The following C19orf18 variants were observed in gnomAD, a reference collection of about 807,000 sequenced individuals.
The protein encoded by C19orf18 is chromosome 19 open reading frame 18.
C19orf18 carries 21 observed loss-of-function variants against 23.3 expected under a neutral mutation model. The observed-to-expected ratio is 0.90, with a 90% CI of 0.64 to 1.30. The LOEUF (loss-of-function observed/expected upper bound fraction) is 1.30. Among genes scored for constraint, C19orf18 ranks in the 50% most tolerant of loss-of-function variants. The pLI, the probability that C19orf18 is intolerant of heterozygous loss-of-function variation, is 0.00. For missense variants in C19orf18, 249 were observed against 259.6 expected (o/e 0.96, Z 0.28); for synonymous variants, 96 against 95.2 (o/e 1.01, Z -0.05).
At chr19:57,962,332 C>T (rs943773183) in intron 4 of C19orf18, among the ~76,000 whole-genome samples, 8 of 151,844 alleles carry the variant, frequency 5.3e-5, no homozygotes, top group South Asian at 2.1e-4. Context: ...CCACTGTGCC[C>T]GGCCATAATC....
intron 5 of C19orf18, among the ~76,000 whole-genome samples, chr19:57,961,145 G>A (rs930068411): frequency 6.6e-6 from 1 of 152,112 alleles, no homozygotes; most frequent in Non-Finnish European, 1.5e-5. Flanking sequence ...TGAGGCAGGA[G>A]AATGGCGTGA....
chr19:57,965,357 A>G (rs2072901266), intron 4 of C19orf18, among the ~76,000 whole-genome samples: 2 of 149,680 alleles, frequency 1.3e-5, no homozygotes. Flanking sequence ...CTAGTCTTGA[A>G]CTCCTGACCT....
At chr19:57,970,895 G>A (rs550294476) in intron 3 of C19orf18, among the ~76,000 whole-genome samples, 2 of 152,144 alleles carry the variant, frequency 1.3e-5, no homozygotes, top group African/African-American at 2.4e-5. Flanking sequence ...ATTTTGTCCC[G>A]TCTCTATCCT....
chr19:57,969,566 G>GGAAAAAAAAAA (rs2072930123), intron 3 of C19orf18, among the ~76,000 whole-genome samples: 2 of 46,498 alleles, frequency 4.3e-5, no homozygotes, highest in African/African-American at 1.9e-4. Flanking sequence ...AAAAAAAACA[G>GGAAAAAAAAAA]AAAAAAAAAA....
At chr19:57,960,840 C>T (rs1560096) in intron 5 of C19orf18, among the ~76,000 whole-genome samples, 1 of 152,150 alleles carries the variant, frequency 6.6e-6, no homozygotes, top group Non-Finnish European at 1.5e-5. Flanking sequence ...ATATTTGTCT[C>T]TCTTACTTCA....
chr19:57,961,436 G>T lies in C19orf18; in HGVS notation c.487C>A (p.Leu163Ile). Residue 163 changes from leucine to isoleucine, a missense_variant, in exon 5 of 6, where the codon CTA becomes ATA. Transcript: ENST00000314391. The stretch of plus-strand genomic sequence containing the variant: ...AGCTCATTTTCGTTCTCTGGAAGTA[G>T]GTGCGTGGACTCACCCTCGTCCTCT... ...GSEDEGESTH[L>I]LPENENELEK... The T allele has an allele frequency of 6.2e-7, 1 of 1,614,056 alleles. No homozygotes were observed. Among genetic ancestry groups the T allele is most frequent in the Non-Finnish European group, 8.5e-7 (1 of 1,179,994 alleles).
chr19:57,962,541 G>A (rs1374830473), intron 4 of C19orf18, among the ~76,000 whole-genome samples: 3 of 152,164 alleles, frequency 2.0e-5, no homozygotes, highest in Non-Finnish European at 4.4e-5. Context: ...TCCCAGTACT[G>A]TGTGAATTAT....
At position 57,958,531 on chromosome 19, in the gene C19orf18, C is replaced by T. The variant is rs2072844439; in HGVS notation, c.*71G>A. ...TAAGGTTCTCTGGGAGCAAGCCACG[C>T]CCACAGGCTCAGTCTCCCAGCACCC... On this transcript the variant is annotated 3_prime_UTR_variant, in exon 6 of 6. Transcript: ENST00000314391. The T allele has an allele frequency of 3.9e-6, 4 of 1,021,286 alleles. No homozygotes were observed. Among genetic ancestry groups the T allele is most frequent in the Non-Finnish European group, 5.8e-6 (4 of 689,248 alleles). 63.3% of individuals were successfully genotyped at this position (1,021,286 alleles called of 1,614,324 possible).
chr19:57,973,375 A>G (rs2072960272), intron 2 of C19orf18, among the ~76,000 whole-genome samples: 1 of 151,950 alleles, frequency 6.6e-6, no homozygotes, highest in African/African-American at 2.4e-5. Context: ...TTGCTGTTAT[A>G]AGATAAACAA....
chr19:57,967,878 G>A (rs1568567826), intron 3 of C19orf18, among the ~76,000 whole-genome samples: 1 of 152,068 alleles, frequency 6.6e-6, no homozygotes, highest in Non-Finnish European at 1.5e-5. Context: ...TGGGCATGGT[G>A]GCACACGCCT....
At chr19:57,960,892 G>A (rs1383309826) in intron 5 of C19orf18, among the ~76,000 whole-genome samples, 1 of 152,038 alleles carries the variant, frequency 6.6e-6, no homozygotes, top group South Asian at 2.1e-4. Flanking sequence ...TGAAAACCAA[G>A]CCACAGGCCA....
At chr19:57,968,479 G>C (rs930806567) in intron 3 of C19orf18, among the ~76,000 whole-genome samples, 2 of 152,120 alleles carry the variant, frequency 1.3e-5, no homozygotes, top group Non-Finnish European at 2.9e-5. Flanking sequence ...AGAGAAAGGA[G>C]GTGTGATTGC....
intron 3 of C19orf18, among the ~76,000 whole-genome samples, chr19:57,967,760 A>T (rs936887973): frequency 2.0e-5 from 3 of 151,376 alleles, no homozygotes; most frequent in Non-Finnish European, 4.4e-5. Context: ...CTTAAAAAAA[A>T]AAAACTTTGG....
intron 2 of C19orf18, among the ~76,000 whole-genome samples, chr19:57,973,820 G>C (rs11084524): frequency 6.6e-6 from 1 of 151,706 alleles, no homozygotes. Flanking sequence ...CCAAATTCAA[G>C]TCAGACAGGC....
intron 4 of C19orf18, among the ~76,000 whole-genome samples, chr19:57,966,110 C>A (rs1473376962): frequency 6.6e-6 from 1 of 151,656 alleles, no homozygotes; most frequent in African/African-American, 2.4e-5. Flanking sequence ...CCCGAGGAGC[C>A]GGGACTACAG....
chr19:57,966,587 G>A lies in C19orf18; in HGVS notation c.314C>T (p.Ser105Leu), dbSNP rs200742590. ...RPALVKVILI[S>L]SVAFSIALIC... ...CAGGGCAATGCTGAAGGCTACGCTC[G>A]AAATTAAAATTACTTTAACAAGAGC... The change falls in exon 4 of 6, where the codon TCG (serine) becomes TTG (leucine). Residue 105 changes from serine to leucine, a missense_variant. Ser to Leu is a moderately radical substitution (Grantham distance 145). Coordinates refer to ENST00000314391, the MANE Select transcript of C19orf18 (RefSeq NM_152474.5). The A allele has an allele frequency of 2.9e-4, 460 of 1,613,072 alleles. 1 individual carries two copies. Among genetic ancestry groups the A allele is most frequent in the Non-Finnish European group, 3.7e-4 (438 of 1,179,408 alleles).
chr19:57,969,833 T>C (rs1351470413), intron 3 of C19orf18, among the ~76,000 whole-genome samples: 4 of 147,308 alleles, frequency 2.7e-5, no homozygotes, highest in Non-Finnish European at 4.4e-5. Flanking sequence ...GATCGCATCA[T>C]TACACTCCAG....
chr19:57,968,129 T>A (rs1482896915), intron 3 of C19orf18, among the ~76,000 whole-genome samples: 1 of 152,392 alleles, frequency 6.6e-6, no homozygotes, highest in African/African-American at 2.4e-5. Context: ...GAGGGTTCAC[T>A]TTCTGGTTCA....
At chr19:57,961,230 G>A (rs1056038856) in intron 5 of C19orf18, among the ~76,000 whole-genome samples, 161 bp downstream of exon 5, 2 of 148,456 alleles carry the variant, frequency 1.3e-5, no homozygotes, top group Non-Finnish European at 3.0e-5. Flanking sequence ...GTAAGAGTCC[G>A]TCTTAAAAAA....
Sources: allele counts gnomAD v4.1 joint callset (sites outside exome capture counted in the v4.1 genomes callset), GRCh38; gene constraint gnomAD v4.1.1; transcripts MANE v1.5; gene names NCBI Gene and HGNC (gene_info 2026-07-23, HGNC 2026-07-21).